SLC25A42: variants seen among roughly 807,000 people sequenced by gnomAD.
The protein encoded by SLC25A42 is mitochondrial coenzyme A transporter SLC25A42.
Under a neutral mutation model 34.7 loss-of-function variants are expected in SLC25A42, and 19 were observed. The ratio of observed to expected loss-of-function variants is 0.55; its 90% CI spans 0.38 to 0.80. The LOEUF is 0.80. Among genes scored for constraint, SLC25A42 ranks in the 30% least tolerant of loss-of-function variants. The pLI is 0.00. For synonymous variants in SLC25A42, 205 were observed against 191.2 expected (o/e 1.07, Z -0.59); for missense variants, 364 against 441.3 (o/e 0.82, Z 1.57).
chr19:19,075,194 C>T (rs902998807), intron 1 of SLC25A42, among the ~76,000 whole-genome samples: 4 of 152,058 alleles, frequency 2.6e-5, no homozygotes, highest in African/African-American at 9.7e-5. Context: ...TCCCAAGCAA[C>T]TGTCAACTTG....
chr19:19,105,247 C>T (rs954685743), intron 4 of SLC25A42: 5 of 572,210 alleles, frequency 8.7e-6, no homozygotes, highest in African/African-American at 7.5e-5. Flanking sequence ...AGCTGGGATG[C>T]CAAACACCAA....
chr19:19,110,515 G>C lies in SLC25A42; in HGVS notation c.650-54G>C, dbSNP rs1215895478. ...GTGCAAAGGCGCGCGCACGGGTGCG[G>C]GGTGCGCGCCCCCTCGCGGCGCCTT... On this transcript the variant is annotated intron_variant, in intron 7 of 7. Transcript: ENST00000318596. The C allele has an allele frequency of 2.2e-6, 3 of 1,360,102 alleles. No individual in the cohort carries two copies. The African/African-American group carries it at 4.6e-5, about 21-fold the overall frequency. The allele number at this position is 1,360,102 out of a possible 1,614,324, so 84.3% of individuals were successfully genotyped here.
chr19:19,111,024 TCA>T lies in SLC25A42; in HGVS notation c.*149_*150del. The T allele has an allele frequency of 1.1e-6, 1 of 878,428 alleles. No individual in the cohort carries two copies. Among genetic ancestry groups the T allele is most frequent in the Non-Finnish European group, 1.7e-6 (1 of 582,332 alleles). The allele number at this position is 878,428 out of a possible 1,614,324, so 54.4% of individuals were successfully genotyped here. Reference sequence around the variant, plus strand: ...GCAGGTGGGCCTGAGGGGCCTGGGCTCAGAGTCCACGTCCAAACGCAAAGCTG... The same window carrying T: ...GCAGGTGGGCCTGAGGGGCCTGGGCTGAGTCCACGTCCAAACGCAAAGCTG... On this transcript the variant is annotated 3_prime_UTR_variant, in exon 8 of 8. Transcript: ENST00000318596.
In SLC25A42 at chr19:19,109,548, AG is replaced by A. The variant is rs1287515605; in HGVS notation, c.650-1020del. ...TGGGTTCAAGCCATTCTCCTGCCTC[AG>A]CCTCCCTAGTAGCTGGGATTACAGG... On this transcript the variant is annotated intron_variant, in intron 7 of 7. Transcript: ENST00000318596. The surrounding 1 kb of genome is among the most constrained non-coding windows in gnomAD (Gnocchi z 4.1). Among the ~76,000 whole-genome samples the A allele has an allele frequency of 2.0e-5, 3 of 152,076 alleles. No homozygotes were observed. The highest frequency in any genetic ancestry group is 4.4e-5 in the Non-Finnish European group (3 of 68,004).
intron 1 of SLC25A42, among the ~76,000 whole-genome samples, chr19:19,092,652 CCTT>C (rs1400355324): frequency 6.6e-6 from 1 of 152,208 alleles, no homozygotes; most frequent in Non-Finnish European, 1.5e-5. Context: ...GGAGGGACCC[CCTT>C]CGGCCAGGAC....
intron 2 of SLC25A42, among the ~76,000 whole-genome samples, chr19:19,097,824 G>A (rs961800266): frequency 5.3e-5 from 8 of 152,084 alleles, no homozygotes; most frequent in African/African-American, 1.9e-4. Context: ...TCGGCCAGGC[G>A]TGGTGGCACG....
intron 1 of SLC25A42, among the ~76,000 whole-genome samples, chr19:19,079,284 G>A (rs2059669979): frequency 6.6e-6 from 1 of 151,970 alleles, no homozygotes; most frequent in African/African-American, 2.4e-5. Context: ...TTGAACTCAT[G>A]ACTTCAAGTT....
At position 19,110,720 on chromosome 19, in the gene SLC25A42, C is replaced by T. The variant is rs2059859109; in HGVS notation, c.801C>T (p.Ile267=). Residue 267 remains isoleucine, a synonymous_variant, in exon 8 of 8, where the codon ATC becomes ATT. Coordinates refer to ENST00000318596, the MANE Select transcript of SLC25A42 (RefSeq NM_178526.5). ...AGVTGYPRAS[I]ARTLRTIVRE... is the part of the protein sequence containing the mutation. ...TCACGGGCTACCCGCGCGCCTCCATCGCCCGCACGCTGCGCACCATCGTGC... is the reference window on the plus strand; with the variant it reads ...TCACGGGCTACCCGCGCGCCTCCATTGCCCGCACGCTGCGCACCATCGTGC... 8 of 1,605,462 alleles carry T rather than the reference C, an allele frequency of 5.0e-6. No homozygotes were observed. The highest frequency in any genetic ancestry group is 6.8e-6 in the Non-Finnish European group (8 of 1,176,294).
chr19:19,065,221 G>T (rs1424732355), intron 1 of SLC25A42, among the ~76,000 whole-genome samples: 1 of 152,126 alleles, frequency 6.6e-6, no homozygotes, highest in Non-Finnish European at 1.5e-5. Flanking sequence ...GGAGGAGGGG[G>T]GCTCATCATC....
At chr19:19,088,449 G>A (rs149419074) in intron 1 of SLC25A42, among the ~76,000 whole-genome samples, 2,177 of 151,760 alleles carry the variant, frequency 0.014, 47 homozygotes, top group African/African-American at 0.047. Flanking sequence ...CTCGTGATCT[G>A]CCTGCGTCGG....
Position 19,110,968 on chromosome 19 carries a change from C to A in SLC25A42, c.*92C>A. On this transcript the variant is annotated 3_prime_UTR_variant, in exon 8 of 8. Coordinates refer to ENST00000318596, the MANE Select transcript of SLC25A42 (RefSeq NM_178526.5). ...TGGGGGGGTGCGCTTGATTCTACTT[C>A]AGGAGGCACATGGGGCGCTTTATGG... The A allele has an allele frequency of 1.4e-6, 2 of 1,433,494 alleles. No individual in the cohort carries two copies. Among genetic ancestry groups the A allele is most frequent in the Non-Finnish European group, 1.9e-6 (2 of 1,043,594 alleles). The allele number at this position is 1,433,494 out of a possible 1,614,324, so 88.8% of individuals were successfully genotyped here.
intron 1 of SLC25A42, among the ~76,000 whole-genome samples, chr19:19,093,204 C>T (rs1379164335): frequency 2.0e-5 from 3 of 152,020 alleles, no homozygotes; most frequent in Admixed American, 2.0e-4. Flanking sequence ...TCTCTAGAGA[C>T]GGGGTCTCAC....
intron 1 of SLC25A42, among the ~76,000 whole-genome samples, chr19:19,092,899 G>GC (rs1568516521): frequency 2.8e-4 from 42 of 152,266 alleles, no homozygotes; most frequent in South Asian, 2.5e-3. Flanking sequence ...GCTGATTGTT[G>GC]TGGGGGGCGG....
At position 19,111,663 on chromosome 19, in the gene SLC25A42, T is replaced by A. The variant is rs1047682050; in HGVS notation, c.*787T>A. 3 of 152,438 alleles carry A rather than the reference T, an allele frequency of 2.0e-5. No individual in the cohort carries two copies. Among genetic ancestry groups the A allele is most frequent in the Non-Finnish European group, 4.4e-5 (3 of 68,190 alleles). 9.4% of individuals were successfully genotyped at this position (152,438 alleles called of 1,614,324 possible). A position where few individuals can be genotyped will look rare whatever the true frequency, so the allele number is the denominator to read the frequency against. On this transcript the variant is annotated 3_prime_UTR_variant, in exon 8 of 8. Coordinates refer to ENST00000318596, the MANE Select transcript of SLC25A42 (RefSeq NM_178526.5). The stretch of plus-strand genomic sequence containing the variant: ...CCATGACACGGAACTGCCTCAGGTT[T>A]GGGTCAGACCTGCATCCTGGGGCAT...
At chr19:19,106,223 G>C (rs760401498) in intron 5 of SLC25A42, 46 bp from the exon 6 acceptor site, 1 of 1,540,198 alleles carries the variant, frequency 6.5e-7, no homozygotes, top group South Asian at 1.1e-5. Context: ...CTGTGCATCT[G>C]CAACCCCCTC....
chr19:19,095,663 G>A (rs10410568), intron 1 of SLC25A42, among the ~76,000 whole-genome samples: 107,451 of 152,142 alleles, frequency 0.71, 38,364 homozygotes, highest in East Asian at 0.89. Context: ...AGAGACCCTC[G>A]GGTCCGAGCT....
At position 19,106,289 on chromosome 19, in the gene SLC25A42, G is replaced by C; in HGVS notation, c.401G>C (p.Arg134Pro). The C allele has an allele frequency of 6.2e-7, 1 of 1,612,436 alleles. No individual in the cohort carries two copies. Among genetic ancestry groups the C allele is most frequent in the Non-Finnish European group, 8.5e-7 (1 of 1,179,910 alleles). The part of the protein sequence containing the change: ...FRGEALPPWP[R>P]LFAGALAGTT... ...TTCAGAGCCCTGCCCCCTTGGCCTC[G>C]CCTCTTCGCCGGCGCACTGGCTGGA... is the stretch of plus-strand genomic sequence containing the variant. Residue 134 changes from arginine to proline, a missense_variant, in exon 6 of 8, where the codon CGC becomes CCC. Arg to Pro is a moderately radical substitution (Grantham distance 103). Transcript: ENST00000318596.
chr19:19,098,322 G>T (rs1372526091), intron 2 of SLC25A42, among the ~76,000 whole-genome samples: 2 of 152,212 alleles, frequency 1.3e-5, no homozygotes, highest in East Asian at 1.9e-4. Flanking sequence ...CATTGGCCAG[G>T]CATGGTGACT....
At position 19,089,601 on chromosome 19, in the gene SLC25A42, C is replaced by T. The variant is rs1599676487; in HGVS notation, c.-34-6490C>T. Among the ~76,000 whole-genome samples, 3 of 151,250 alleles carry T rather than the reference C, an allele frequency of 2.0e-5. No homozygotes were observed. The East Asian group carries it at 5.9e-4, about 30-fold the overall frequency. On this transcript the variant is annotated intron_variant, in intron 1 of 7. Transcript: ENST00000318596. ...GATTCCAGGCAGCCAGGTGTGGTAG[C>T]TCACACCTGTAATCCCAGCACTTTG...
Sources: gnomAD v4.1 joint callset for allele counts (sites outside exome capture counted in the v4.1 genomes callset) on GRCh38, gnomAD v4.1.1 for gene constraint, Gnocchi (gnomAD v3.1) non-coding constraint, MANE v1.5 for transcripts, NCBI Gene and HGNC (gene_info 2026-07-23, HGNC 2026-07-21) for gene names.